Variants in TMCO1 observed in about 807,000 individuals in gnomAD.
TMCO1 encodes calcium load-activated calcium channel.
A neutral mutation model predicts 29.3 loss-of-function variants in TMCO1; 29 were observed. The observed-to-expected ratio is 0.99, with a 90% CI of 0.74 to 1.35. TMCO1 has a LOEUF of 1.35. Ranked by LOEUF, TMCO1 falls within the 40% of genes most tolerant of loss-of-function variation. TMCO1 has a pLI of 0.00. For missense variants in TMCO1, 173 were observed against 225.5 expected (o/e 0.77, Z 1.49); for synonymous variants, 80 against 77.1 (o/e 1.04, Z -0.20).
intron 2 of TMCO1, among the ~76,000 whole-genome samples, chr1:165,763,195 C>A (rs772955172): frequency 2.6e-5 from 4 of 152,170 alleles, no homozygotes; most frequent in Non-Finnish European, 4.4e-5. Flanking sequence ...TGCTTAAATT[C>A]ATACTACGTT....
At chr1:165,724,443 C>A (rs1650768512), downstream of TMCO1, 1 of 453,992 alleles carries the variant, frequency 2.2e-6, no homozygotes, top group South Asian at 1.6e-5. Flanking sequence ...ACTTCTTCAA[C>A]AAATATATTG....
chr1:165,753,303 T>C (rs1380674164), intron 4 of TMCO1, among the ~76,000 whole-genome samples: 5 of 151,634 alleles, frequency 3.3e-5, no homozygotes, highest in Non-Finnish European at 7.4e-5. Context: ...CAAGACCCTG[T>C]CTGTACAAAA....
chr1:165,735,063 TTC>T (rs1252689825), intron 6 of TMCO1, among the ~76,000 whole-genome samples: 1 of 152,190 alleles, frequency 6.6e-6, no homozygotes, highest in Non-Finnish European at 1.5e-5. Context: ...AATGAATATT[TTC>T]TGTCTTAGGT....
At chr1:165,761,387 T>C (rs1652397639) in intron 2 of TMCO1, among the ~76,000 whole-genome samples, 1 of 151,750 alleles carries the variant, frequency 6.6e-6, no homozygotes, top group Non-Finnish European at 1.5e-5. Flanking sequence ...ATTGAAAAAT[T>C]AGCCGAGTGT....
chr1:165,726,352 A>C (rs921194992), downstream of TMCO1: 4 of 677,872 alleles, frequency 5.9e-6, no homozygotes, highest in Admixed American at 2.0e-5. Context: ...CTTTGTAATA[A>C]GGAGAACAAA....
intron 6 of TMCO1, among the ~76,000 whole-genome samples, chr1:165,731,721 A>C (rs149550816): frequency 1.2e-4 from 18 of 152,366 alleles, no homozygotes; most frequent in Admixed American, 5.9e-4. Context: ...CTAGACGGGA[A>C]TATCTCAAAT....
downstream of TMCO1, chr1:165,725,912 G>A (rs1263147066): frequency 1.6e-6 from 1 of 618,488 alleles, no homozygotes; most frequent in East Asian, 3.3e-5. Context: ...GTGAATAGAT[G>A]TAATCTCTCC....
chr1:165,730,691 C>G (rs1373267899), intron 6 of TMCO1, among the ~76,000 whole-genome samples: 1 of 151,356 alleles, frequency 6.6e-6, no homozygotes, highest in Non-Finnish European at 1.5e-5. Flanking sequence ...ACTTCCCGGG[C>G]TCAAGCATTC....
intron 2 of TMCO1, among the ~76,000 whole-genome samples, chr1:165,765,573 C>T (rs570082278): frequency 7.2e-5 from 11 of 152,336 alleles, no homozygotes; most frequent in African/African-American, 2.6e-4. Flanking sequence ...TGAGCCACCG[C>T]GCCCTGCCTT....
chr1:165,743,580 C>A (rs73022517), intron 5 of TMCO1, among the ~76,000 whole-genome samples: 2,023 of 152,096 alleles, frequency 0.013, 54 homozygotes, highest in African/African-American at 0.047. Flanking sequence ...TTATTTAGGA[C>A]CCTAAAAACT....
chr1:165,724,793 A>T (rs980163730), downstream of TMCO1: 3 of 453,864 alleles, frequency 6.6e-6, no homozygotes, highest in African/African-American at 6.0e-5. Flanking sequence ...CCATTTTCTT[A>T]GGTGTAAAAA....
intron 6 of TMCO1, among the ~76,000 whole-genome samples, chr1:165,739,031 G>A (rs1490675801): frequency 1.3e-5 from 2 of 152,102 alleles, no homozygotes; most frequent in African/African-American, 4.8e-5. Context: ...CATACACCTG[G>A]ACAAGTGGAA....
chr1:165,732,703 T>A (rs1024036736), intron 6 of TMCO1, among the ~76,000 whole-genome samples: 1 of 152,086 alleles, frequency 6.6e-6, no homozygotes, highest in African/African-American at 2.4e-5. Context: ...GCTATGCATA[T>A]GTGGGGGCAA....
intron 2 of TMCO1, among the ~76,000 whole-genome samples, chr1:165,767,453 G>A (rs1395535701): frequency 5.9e-5 from 9 of 152,000 alleles, no homozygotes; most frequent in African/African-American, 9.7e-5. Context: ...ACTGAAACTC[G>A]GCTTATCTCT....
intron 5 of TMCO1, among the ~76,000 whole-genome samples, chr1:165,746,581 T>C (rs73022540): frequency 0.013 from 2,018 of 152,100 alleles, 53 homozygotes; most frequent in African/African-American, 0.047. Flanking sequence ...AAATATTTGA[T>C]AAGTGCTTAT....
chr1:165,759,734 T>C, intron 2 of TMCO1, 150 bp from the exon 3 acceptor site: 2 of 649,816 alleles, frequency 3.1e-6, no homozygotes, highest in Non-Finnish European at 5.5e-6. Flanking sequence ...TGGTCCACTC[T>C]CATAGCTACT....
chr1:165,766,118 T>C lies in TMCO1; in HGVS notation c.148+2074A>G, dbSNP rs78762028. Among the ~76,000 whole-genome samples the C allele has an allele frequency of 5.5e-3, 837 of 152,202 alleles. 2 individuals are homozygous for C. The highest frequency in any genetic ancestry group is 6.8e-3 in the Non-Finnish European group (464 of 68,008). On this transcript the variant is annotated intron_variant, in intron 2 of 6. Transcript: ENST00000367881. ...ACAGTATCTGCAGACAGACTAGATG[T>C]GGGTTGTAAGAAGAGTAAAAGATAA...
At chr1:165,750,885 C>A (rs2101805553) in intron 5 of TMCO1, among the ~76,000 whole-genome samples, 1 of 152,146 alleles carries the variant, frequency 6.6e-6, no homozygotes, top group African/African-American at 2.4e-5. Flanking sequence ...GCCTGGCCAA[C>A]ATGGTGAAAC....
downstream of TMCO1, chr1:165,724,982 C>T (rs932442294): frequency 5.2e-6 from 2 of 385,780 alleles, no homozygotes; most frequent in Non-Finnish European, 9.9e-6. Flanking sequence ...TCTTTATTCT[C>T]TCTTTCTCTC....
Sources: allele counts gnomAD v4.1 joint callset (sites outside exome capture counted in the v4.1 genomes callset), GRCh38; gene constraint gnomAD v4.1.1; transcripts MANE v1.5; gene names NCBI Gene and HGNC (gene_info 2026-07-23, HGNC 2026-07-21).